MILR1: variants seen among roughly 807,000 people sequenced by gnomAD.
MILR1 encodes mast cell immunoglobulin like receptor 1.
A neutral mutation model predicts 18.5 loss-of-function variants in MILR1; 31 were observed. That is an observed-to-expected ratio of 1.68 (90% confidence interval 1.26 to 2.26). MILR1 has a LOEUF of 2.26. MILR1 is among the 30% of genes most tolerant of loss of function. The pLI is 0.00. For missense variants in MILR1, 257 were observed against 157.4 expected (o/e 1.63, Z -3.38); for synonymous variants, 85 against 56.2 (o/e 1.51, Z -2.30).
chr17:64,477,683 CAT>C, the MILR1 span: 3 of 963,840 alleles, frequency 3.1e-6, no homozygotes, highest in Non-Finnish European at 4.3e-6. Context: ...CAATGAAAGA[CAT>C]AAAAAATATA....
At chr17:64,451,650 A>G (rs954370971) in intron 2 of MILR1, among the ~76,000 whole-genome samples, 44 of 152,028 alleles carry the variant, frequency 2.9e-4, no homozygotes, top group African/African-American at 1.0e-3. Flanking sequence ...TTGAGTTTAT[A>G]TGGCGGGGCA....
chr17:64,488,312 A>C, the MILR1 span, among the ~76,000 whole-genome samples: 1 of 152,250 alleles, frequency 6.6e-6, no homozygotes, highest in Non-Finnish European at 1.5e-5. Context: ...ATGATAAATA[A>C]TTTTGTGAAC....
At chr17:64,480,331 T>C in the MILR1 span, 3 of 1,600,834 alleles carry the variant, frequency 1.9e-6, no homozygotes, top group East Asian at 4.5e-5. Context: ...AGTTTCCAAA[T>C]AACCAGGCCA....
chr17:64,449,226 A>G lies in MILR1; in HGVS notation c.55+3A>G. 2 of 473,598 alleles carry G rather than the reference A, an allele frequency of 4.2e-6. No homozygotes were observed. Among genetic ancestry groups the G allele is most frequent in the South Asian group, 7.0e-5 (1 of 14,380 alleles). The allele number at this position is 473,598 out of a possible 1,614,324, so 29.3% of individuals were successfully genotyped here. ...GAGCATATTTTCTTCTGTCACTTGT[A>G]AGCCCCCCTTATCATTCTGAGGCTC... On this transcript the variant is annotated splice_donor_region_variant and intron_variant, in intron 1 of 9. Transcript: ENST00000619286.
chr17:64,456,629 A>G (rs941340257), intron 3 of MILR1, among the ~76,000 whole-genome samples: 5 of 152,090 alleles, frequency 3.3e-5, no homozygotes, highest in Non-Finnish European at 7.4e-5. Context: ...CGGGCAACAT[A>G]GTGAGACTCT....
In MILR1 at chr17:64,460,876, T is replaced by G; in HGVS notation, c.707T>G (p.Leu236Trp). ...LKLLLPGLLL[L>W]LVVIILILAF... Reference sequence around the variant, plus strand: ...CTACTACTTCCAGGGTTATTACTGTTGCTGGTGGTGATAATCCTAATTCTG... The same window carrying G: ...CTACTACTTCCAGGGTTATTACTGTGGCTGGTGGTGATAATCCTAATTCTG... Residue 236 changes from leucine (L) to tryptophan (W), a missense_variant, in exon 5 of 10, where the codon TTG (leucine) becomes TGG (tryptophan). By Grantham distance (61) the Leu-to-Trp change is moderately conservative (BLOSUM62 -2). Transcript: ENST00000619286. 2.1e-6 allele frequency: 1 copy of G among 475,288 alleles called. No individual in the cohort carries two copies. The highest frequency in any genetic ancestry group is 3.9e-6 in the Non-Finnish European group (1 of 258,936). 29.4% of individuals were successfully genotyped at this position (475,288 alleles called of 1,614,324 possible).
At chr17:64,464,957 G>A (rs1391674912) in intron 5 of MILR1, among the ~76,000 whole-genome samples, 1 of 146,692 alleles carries the variant, frequency 6.8e-6, no homozygotes, top group Non-Finnish European at 1.5e-5. Flanking sequence ...GCATGGTGGT[G>A]CACAACTGTA....
intron 5 of MILR1, among the ~76,000 whole-genome samples, chr17:64,464,187 A>G (rs2037497194): frequency 1.4e-5 from 2 of 140,060 alleles, no homozygotes; most frequent in Admixed American, 1.5e-4. Context: ...GCGGTGGTGC[A>G]ATCATGGCTC....
chr17:64,487,015 T>C, the MILR1 span: 1 of 152,146 alleles, frequency 6.6e-6, no homozygotes, highest in African/African-American at 2.4e-5. Context: ...TGTAAATCAT[T>C]GTTCACCTGG....
chr17:64,466,505 A>G lies in MILR1; in HGVS notation c.910+7A>G, dbSNP rs782402764. 36 of 1,613,768 alleles carry G rather than the reference A, an allele frequency of 2.2e-5. No individual in the cohort carries two copies. The Middle Eastern group carries it at 4.9e-4, about 22-fold the overall frequency. On this transcript the variant is annotated splice_region_variant and intron_variant, in intron 7 of 9. Coordinates refer to ENST00000619286, the MANE Select transcript of MILR1 (RefSeq NM_001085423.2). ...GTTTCCACAGCCCAAGATGGTGAGC[A>G]TGTTCTGCAGAGTCTATTCCACTGC... is the stretch of plus-strand genomic sequence containing the variant.
chr17:64,497,138 C>T, the MILR1 span: 115 of 705,812 alleles, frequency 1.6e-4, no homozygotes, highest in Non-Finnish European at 1.7e-4. Flanking sequence ...CCGGCCGCAG[C>T]CGTCCCCCGC....
the MILR1 span, among the ~76,000 whole-genome samples, chr17:64,486,347 TCAGAAAGGTAACAC>T: frequency 0.011 from 1,652 of 146,988 alleles, 30 homozygotes; most frequent in Non-Finnish European, 0.018. Context: ...GAGTTAGTAT[TCAGAAAGGTAACAC>T]TTTTTTTTTT....
Position 64,449,152 on chromosome 17 carries a change from G to C in MILR1, c.-17G>C, listed in dbSNP as rs997157329. The C allele has an allele frequency of 1.3e-5, 6 of 467,682 alleles. No homozygotes were observed. Among genetic ancestry groups the C allele is most frequent in the Non-Finnish European group, 1.2e-5 (3 of 255,316 alleles). The allele number at this position is 467,682 out of a possible 1,614,324, so 29.0% of individuals were successfully genotyped here. ...CTACTATGCCTTCTGACCCCGTCTT[G>C]GACTTCAACTGGGAGAATGTGGAGC... On this transcript the variant is annotated 5_prime_UTR_variant, in exon 1 of 10. Coordinates refer to ENST00000619286, the MANE Select transcript of MILR1 (RefSeq NM_001085423.2).
the MILR1 span, chr17:64,480,403 G>A: frequency 7.8e-7 from 1 of 1,276,090 alleles, no homozygotes; most frequent in Non-Finnish European, 1.1e-6. Context: ...GAAAGAAATA[G>A]AAAAACTTCA....
intron 4 of MILR1, among the ~76,000 whole-genome samples, 185 bp from the exon 5 acceptor site, chr17:64,460,637 C>G (rs1328923457): frequency 6.6e-6 from 1 of 152,212 alleles, no homozygotes; most frequent in African/African-American, 2.4e-5. Flanking sequence ...TGAGCCACCA[C>G]GCCCAGTCAA....
the MILR1 span, among the ~76,000 whole-genome samples, chr17:64,487,873 T>C: frequency 6.6e-6 from 1 of 152,192 alleles, no homozygotes; most frequent in Non-Finnish European, 1.5e-5. Flanking sequence ...TATTGTTTTC[T>C]AATTTTTTGA....
chr17:64,489,108 T>C, the MILR1 span, among the ~76,000 whole-genome samples: 1 of 150,700 alleles, frequency 6.6e-6, no homozygotes, highest in African/African-American at 2.4e-5. Context: ...TCACTGATGA[T>C]CCTGGAACAA....
chr17:64,492,745 T>TA, the MILR1 span: 4 of 1,613,012 alleles, frequency 2.5e-6, no homozygotes, highest in Non-Finnish European at 3.4e-6. Context: ...TAAACCATAC[T>TA]AACGAAGCTT....
intron 2 of MILR1, 93 bp from the exon 3 acceptor site, chr17:64,452,504 C>T (rs1014917285): frequency 2.4e-5 from 10 of 408,382 alleles, no homozygotes; most frequent in Non-Finnish European, 4.0e-5. Flanking sequence ...CCACCTGCCT[C>T]GGCCGCCCAA....
Sources: gnomAD v4.1 joint callset for allele counts (sites outside exome capture counted in the v4.1 genomes callset) on GRCh38, gnomAD v4.1.1 for gene constraint, MANE v1.5 for transcripts, NCBI Gene and HGNC (gene_info 2026-07-23, HGNC 2026-07-21) for gene names.